The following LACTB2 variants were observed in gnomAD, a reference collection of about 807,000 sequenced individuals.
LACTB2 encodes lactamase beta 2.
A neutral mutation model predicts 34.8 loss-of-function variants in LACTB2; 32 were observed. The ratio of observed to expected loss-of-function variants is 0.92; its 90% CI spans 0.69 to 1.24. The LOEUF is 1.24. LACTB2 is among the 50% of genes most tolerant of loss of function. The pLI is 0.00. For missense variants in LACTB2, 320 were observed against 345.0 expected (o/e 0.93, Z 0.57); for synonymous variants, 120 against 117.5 (o/e 1.02, Z -0.14).
chr8:70,644,004 T>G (rs28696864), intron 4 of LACTB2, 61 bp downstream of exon 4: 1 of 1,378,782 alleles, frequency 7.3e-7, no homozygotes, highest in South Asian at 1.9e-5. Context: ...CTGGAAAACA[T>G]AGCAAGACCT....
chr8:70,657,925 AT>A, intron 2 of LACTB2, 43 bp from the exon 3 acceptor site: 1 of 1,381,946 alleles, frequency 7.2e-7, no homozygotes. Flanking sequence ...ACACTTTATA[AT>A]TAAGCCTTTT....
chr8:70,668,731 C>A (rs1035456399), intron 1 of LACTB2, among the ~76,000 whole-genome samples: 2 of 143,896 alleles, frequency 1.4e-5, no homozygotes, highest in Non-Finnish European at 3.0e-5. Flanking sequence ...AACAGTAAAT[C>A]GGGTTTCAAA....
Position 70,637,285 on chromosome 8 carries a change from A to C in LACTB2, c.*575T>G, listed in dbSNP as rs139701448. ...ATATAATACTTTAAATTGGGAATTT[A>C]ATATTTTTCAATCACCAAAAATTCA... On this transcript the variant is annotated 3_prime_UTR_variant, in exon 7 of 7. Transcript: ENST00000276590. The C allele has an allele frequency of 2.6e-5, 4 of 152,332 alleles. No individual in the cohort carries two copies. The East Asian group carries it at 7.7e-4, about 29-fold the overall frequency. 9.4% of individuals were successfully genotyped at this position (152,332 alleles called of 1,614,324 possible).
intron 3 of LACTB2, among the ~76,000 whole-genome samples, chr8:70,651,625 CT>C (rs1818344621): frequency 6.6e-6 from 1 of 152,002 alleles, no homozygotes; most frequent in Non-Finnish European, 1.5e-5. Context: ...CCCTGACCCC[CT>C]ACCACACCAG....
At chr8:70,638,194 C>T (rs992203059) in intron 6 of LACTB2, among the ~76,000 whole-genome samples, 1 of 152,184 alleles carries the variant, frequency 6.6e-6, no homozygotes, top group African/African-American at 2.4e-5. Flanking sequence ...AGTTTACTAC[C>T]TTTACCACTG....
At chr8:70,652,205 T>C (rs1256001421) in intron 3 of LACTB2, among the ~76,000 whole-genome samples, 8 of 152,244 alleles carry the variant, frequency 5.3e-5, no homozygotes, top group Admixed American at 5.2e-4. Context: ...AGGCAGATTT[T>C]AACCTTCTAT....
At chr8:70,643,605 C>T (rs532115772) in intron 4 of LACTB2, among the ~76,000 whole-genome samples, 1 of 152,162 alleles carries the variant, frequency 6.6e-6, no homozygotes, top group East Asian at 1.9e-4. Flanking sequence ...ACTTCCACCT[C>T]CCAGGTTCAA....
chr8:70,639,348 T>C (rs1563401656), intron 5 of LACTB2, among the ~76,000 whole-genome samples: 3 of 150,696 alleles, frequency 2.0e-5, no homozygotes, highest in South Asian at 2.1e-4. Flanking sequence ...TTAGTAGAGA[T>C]GGGGTTTCAC....
At chr8:70,652,257 TTA>T (rs1230831462) in intron 3 of LACTB2, among the ~76,000 whole-genome samples, 1 of 152,240 alleles carries the variant, frequency 6.6e-6, no homozygotes, top group African/African-American at 2.4e-5. Flanking sequence ...GTGCTGTTAT[TTA>T]TATAGAGTTG....
In LACTB2 at chr8:70,637,354, A is replaced by G. The variant is rs559381538; in HGVS notation, c.*506T>C. On this transcript the variant is annotated 3_prime_UTR_variant, in exon 7 of 7. Coordinates refer to ENST00000276590, the MANE Select transcript of LACTB2 (RefSeq NM_016027.3). Reference sequence around the variant, plus strand: ...GGTATACCAGAATAAGAAAATACACATGATACAGAGTTATGGAACCAATAG... The same window carrying G: ...GGTATACCAGAATAAGAAAATACACGTGATACAGAGTTATGGAACCAATAG... 1 of 152,354 alleles carries G rather than the reference A, an allele frequency of 6.6e-6. No individual in the cohort carries two copies. The highest frequency in any genetic ancestry group is 2.4e-5 in the African/African-American group (1 of 41,590). The allele number at this position is 152,354 out of a possible 1,614,324, so 9.4% of individuals were successfully genotyped here.
intron 3 of LACTB2, 98 bp downstream of exon 3, chr8:70,657,658 C>T: frequency 8.4e-7 from 1 of 1,195,516 alleles, no homozygotes; most frequent in Non-Finnish European, 1.1e-6. Flanking sequence ...AACGATCTTC[C>T]CATCTCAGCC....
At chr8:70,662,695 C>CTT (rs111377859) in intron 1 of LACTB2, 9 of 149,552 alleles carry the variant, frequency 6.0e-5, no homozygotes, top group African/African-American at 7.4e-5. Flanking sequence ...AGATCCAATT[C>CTT]TTTTTTTTTT....
In LACTB2 at chr8:70,637,879, T is replaced by C. The variant is rs759558134; in HGVS notation, c.848A>G (p.Lys283Arg). Residue 283 changes from lysine (K) to arginine (R), a missense_variant, in exon 7 of 7, where the codon AAA becomes AGA. Lys to Arg is a conservative substitution (Grantham distance 26). Transcript: ENST00000276590. The part of the protein sequence containing the change: ...KIFSNTDPDK[K>R]WKAHL ...CTGAAACTAAAGATGAGCTTTCCATTTCTTGTCAGGATCTGTGTTGCTAAC... is the reference window on the plus strand; with the variant it reads ...CTGAAACTAAAGATGAGCTTTCCATCTCTTGTCAGGATCTGTGTTGCTAAC... 14 of 1,558,764 alleles carry C rather than the reference T, an allele frequency of 9.0e-6. No homozygotes were observed. Among genetic ancestry groups the C allele is most frequent in the Middle Eastern group, 3.4e-4 (2 of 5,900 alleles).
chr8:70,643,539 AG>A (rs2132069836), intron 4 of LACTB2, among the ~76,000 whole-genome samples: 1 of 150,652 alleles, frequency 6.6e-6, no homozygotes, highest in African/African-American at 2.4e-5. Context: ...CCCCAGACAG[AG>A]TCTTGCTTCT....
At chr8:70,648,972 A>G (rs958667977) in intron 3 of LACTB2, among the ~76,000 whole-genome samples, 13 of 151,994 alleles carry the variant, frequency 8.6e-5, no homozygotes, top group Admixed American at 6.5e-5. Flanking sequence ...AGGGCTTTAG[A>G]TTTCTCTATT....
Position 70,669,099 on chromosome 8 carries a change from C to A in LACTB2, c.22G>T (p.Val8Phe). Reference sequence around the variant, plus strand: ...ACGACTCGATTGGACAGCCGCTCGACGCGCTGCAGTACAGCAGCCATTCCC... The same window carrying A: ...ACGACTCGATTGGACAGCCGCTCGAAGCGCTGCAGTACAGCAGCCATTCCC... MAAVLQR[V>F]ERLSNRVVRV... Residue 8 changes from valine to phenylalanine, a missense_variant, in exon 1 of 7, where the codon GTC (valine) becomes TTC (phenylalanine). Transcript: ENST00000276590. 1.2e-6 allele frequency: 2 copies of A among 1,610,612 alleles called. No individual in the cohort carries two copies. The highest frequency in any genetic ancestry group is 1.7e-6 in the Non-Finnish European group (2 of 1,178,768).
At chr8:70,638,053 C>G (rs1477317879) in intron 6 of LACTB2, 150 bp from the exon 7 acceptor site, 5 of 463,426 alleles carry the variant, frequency 1.1e-5, no homozygotes, top group African/African-American at 1.0e-4. Context: ...CATGTAAAAA[C>G]ATTGCTAAGG....
At chr8:70,650,929 T>G (rs1008989018) in intron 3 of LACTB2, among the ~76,000 whole-genome samples, 1 of 151,746 alleles carries the variant, frequency 6.6e-6, no homozygotes, top group African/African-American at 2.4e-5. Context: ...GCAAGAATGC[T>G]CCAATATTAT....
rs1375346069 is a variant in LACTB2 at position 70,637,398 on chromosome 8, A to G, written c.*462T>C. ...CCAATAGATAGTCATGATATAGTTG[A>G]TAGAAACATCAAGACAAAGCAATTA... On this transcript the variant is annotated 3_prime_UTR_variant, in exon 7 of 7. Coordinates refer to ENST00000276590, the MANE Select transcript of LACTB2 (RefSeq NM_016027.3). 6.6e-6 allele frequency: 1 copy of G among 152,232 alleles called. No individual in the cohort carries two copies. Among genetic ancestry groups the G allele is most frequent in the Non-Finnish European group, 1.5e-5 (1 of 68,044 alleles). 9.4% of individuals were successfully genotyped at this position (152,232 alleles called of 1,614,324 possible).
Sources: gnomAD v4.1 joint callset for allele counts (sites outside exome capture counted in the v4.1 genomes callset) on GRCh38, gnomAD v4.1.1 for gene constraint, MANE v1.5 for transcripts, NCBI Gene and HGNC (gene_info 2026-07-23, HGNC 2026-07-21) for gene names.